Variants in TRPC4AP observed in about 807,000 individuals in gnomAD.
TRPC4AP encodes short transient receptor potential channel 4-associated protein.
In TRPC4AP, 45 loss-of-function variants were observed where a neutral mutation model predicts 99.0. The ratio of observed to expected loss-of-function variants is 0.45; its 90% confidence interval spans 0.36 to 0.58. The LOEUF (loss-of-function observed/expected upper bound fraction) is 0.58. Ranked by LOEUF, TRPC4AP falls within the 20% of genes least tolerant of loss-of-function variation. TRPC4AP has a pLI of 0.00. For synonymous variants in TRPC4AP, 408 were observed against 385.8 expected (o/e 1.06, Z -0.67); for missense variants, 879 against 985.3 (o/e 0.89, Z 1.44).
intron 1 of TRPC4AP, among the ~76,000 whole-genome samples, chr20:35,082,157 A>G (rs376711198): frequency 6.6e-6 from 1 of 152,322 alleles, no homozygotes; most frequent in African/African-American, 2.4e-5. Context: ...AAGGAGAAAT[A>G]AGGAAATCCA....
intron 9 of TRPC4AP, 122 bp downstream of exon 9, chr20:35,021,068 T>TA (rs1265990104): frequency 9.4e-7 from 1 of 1,069,138 alleles, no homozygotes; most frequent in African/African-American, 1.6e-5. Flanking sequence ...GAAATACCCC[T>TA]ATGCTTTGCC....
At chr20:35,067,973 T>C (rs1451854475) in intron 3 of TRPC4AP, among the ~76,000 whole-genome samples, 1 of 152,202 alleles carries the variant, frequency 6.6e-6, no homozygotes, top group Non-Finnish European at 1.5e-5. Flanking sequence ...TAAGAACCAC[T>C]GAATTGTGTA....
At chr20:35,045,408 T>C (rs1260391040) in intron 6 of TRPC4AP, among the ~76,000 whole-genome samples, 1 of 151,982 alleles carries the variant, frequency 6.6e-6, no homozygotes, top group Non-Finnish European at 1.5e-5. Flanking sequence ...TCTCACTCTG[T>C]TGCTCAAGCT....
At chr20:35,049,561 G>T (rs1001804914) in intron 6 of TRPC4AP, among the ~76,000 whole-genome samples, 1 of 152,166 alleles carries the variant, frequency 6.6e-6, no homozygotes, top group Admixed American at 6.5e-5. Flanking sequence ...TTGCCCCAAC[G>T]GTGATGAGTG....
intron 5 of TRPC4AP, among the ~76,000 whole-genome samples, chr20:35,052,020 T>C (rs1297624051): frequency 6.6e-6 from 1 of 151,960 alleles, no homozygotes; most frequent in East Asian, 1.9e-4. Flanking sequence ...ACTAAAACAA[T>C]ATATAAAAGG....
In TRPC4AP at chr20:35,021,349, A is replaced by G; in HGVS notation, c.1059T>C (p.Ile353=). 1 of 1,613,588 alleles carries G rather than the reference A, an allele frequency of 6.2e-7. No individual in the cohort carries two copies. The highest frequency in any genetic ancestry group is 1.7e-4 in the Middle Eastern group (1 of 6,028). Residue 353 remains isoleucine, a synonymous_variant, in exon 9 of 19, where the codon ATT becomes ATC. Transcript: ENST00000252015. ...NEESEHNQAS[I]VFPPPGASEE... The stretch of plus-strand genomic sequence containing the variant: ...CAGAAGCCCCTGGAGGAGGGAACAC[A>G]ATGGAGGCTGACACAGCCACCGGAG...
At chr20:35,015,985 G>A in intron 10 of TRPC4AP, 23 bp downstream of exon 10, 1 of 1,613,948 alleles carries the variant, frequency 6.2e-7, no homozygotes. Flanking sequence ...GGCCCCATCT[G>A]TCCCCGGGGG....
In TRPC4AP at chr20:35,021,362, A is replaced by G. The variant is rs1329663710; in HGVS notation, c.1052-6T>C. The G allele has an allele frequency of 3.7e-6, 6 of 1,612,666 alleles. No homozygotes were observed. In the African/African-American group the frequency reaches 6.7e-5, roughly 18 times the overall value. On this transcript the variant is annotated splice_polypyrimidine_tract_variant and splice_region_variant and intron_variant, in intron 8 of 18. Transcript: ENST00000252015. ...AGGAGGGAACACAATGGAGGCTGAC[A>G]CAGCCACCGGAGACAGGATTGAGTC...
chr20:35,003,353 C>T (rs981797154), intron 18 of TRPC4AP, 57 bp downstream of exon 18: 3 of 1,612,394 alleles, frequency 1.9e-6, no homozygotes, highest in Middle Eastern at 1.7e-4. Context: ...GGACACCCCT[C>T]TGAGAGGCCC....
At chr20:35,076,350 G>C (rs2146010858) in intron 2 of TRPC4AP, among the ~76,000 whole-genome samples, 1 of 152,288 alleles carries the variant, frequency 6.6e-6, no homozygotes, top group Non-Finnish European at 1.5e-5. Context: ...CTGATTTTTA[G>C]AATTTTCAGC....
chr20:35,084,522 GTA>G (rs1310536443), intron 1 of TRPC4AP, among the ~76,000 whole-genome samples: 8 of 146,292 alleles, frequency 5.5e-5, no homozygotes, highest in South Asian at 4.3e-4. Context: ...GTATATATGT[GTA>G]TATATGTATA....
intron 5 of TRPC4AP, among the ~76,000 whole-genome samples, chr20:35,051,154 A>G (rs2083691079): frequency 6.6e-6 from 1 of 152,142 alleles, no homozygotes; most frequent in East Asian, 1.9e-4. Context: ...AGCTGAAAAA[A>G]TTCCAAGGTT....
At chr20:35,057,410 T>C in intron 4 of TRPC4AP, 104 bp downstream of exon 4, 11 of 903,062 alleles carry the variant, frequency 1.2e-5, no homozygotes, top group Non-Finnish European at 1.9e-5. Context: ...AGACATGTCC[T>C]TACTATTAAG....
rs1212362026 is a variant in TRPC4AP, at chr20:35,046,815, A to G, written c.658-2103T>C. Among the ~76,000 whole-genome samples, 5 of 151,984 alleles carry G rather than the reference A, an allele frequency of 3.3e-5. No homozygotes were observed. The East Asian group carries it at 9.6e-4, about 29-fold the overall frequency. On this transcript the variant is annotated intron_variant, in intron 6 of 18. Transcript: ENST00000252015. ...TCTAACTCAGTATATGGTTCCCAAAACAGGTCCCACCACCCCCAGCCCACT... is the reference window on the plus strand; with the variant it reads ...TCTAACTCAGTATATGGTTCCCAAAGCAGGTCCCACCACCCCCAGCCCACT...
intron 1 of TRPC4AP, among the ~76,000 whole-genome samples, chr20:35,078,424 G>C (rs777290484): frequency 3.3e-5 from 5 of 152,104 alleles, no homozygotes; most frequent in African/African-American, 1.2e-4. Flanking sequence ...ATTGAGAGTG[G>C]ACTTAGACTC....
chr20:35,044,191 G>C (rs928855085), intron 7 of TRPC4AP, among the ~76,000 whole-genome samples: 2 of 151,860 alleles, frequency 1.3e-5, no homozygotes, highest in Non-Finnish European at 1.5e-5. Flanking sequence ...AGGAAGTCAA[G>C]ACCAGCCTGG....
At chr20:35,090,339 T>C (rs570583920) in intron 1 of TRPC4AP, among the ~76,000 whole-genome samples, 15 of 146,730 alleles carry the variant, frequency 1.0e-4, no homozygotes, top group African/African-American at 3.7e-4. Context: ...CTTGCTTTTG[T>C]GGCTCCAGAA....
chr20:35,071,467 T>C (rs1187958414), intron 2 of TRPC4AP, among the ~76,000 whole-genome samples: 1 of 126,506 alleles, frequency 7.9e-6, no homozygotes, highest in African/African-American at 2.9e-5. Flanking sequence ...GTGTGTGACG[T>C]TCCCCACCCT....
In TRPC4AP at chr20:35,005,765, C is replaced by T; in HGVS notation, c.1866G>A (p.Val622=). ...CACAGCGCACCAGCATGTTGGAGTCCACCAGGGAGCTGTTGATCTGCTTCA... is the reference window on the plus strand; with the variant it reads ...CACAGCGCACCAGCATGTTGGAGTCTACCAGGGAGCTGTTGATCTGCTTCA... ...VFLKQINSSL[V]DSNMLVRCVT... The change falls in exon 16 of 19, where the codon GTG becomes GTA. Residue 622 remains valine (V), a synonymous_variant. Transcript: ENST00000252015. 1.9e-6 allele frequency: 3 copies of T among 1,614,196 alleles called. No individual in the cohort carries two copies. The highest frequency in any genetic ancestry group is 1.7e-6 in the Non-Finnish European group (2 of 1,180,016).
Sources: gnomAD v4.1 joint callset for allele counts (sites outside exome capture counted in the v4.1 genomes callset) on GRCh38, gnomAD v4.1.1 for gene constraint, MANE v1.5 for transcripts, NCBI Gene and HGNC (gene_info 2026-07-23, HGNC 2026-07-21) for gene names.